Variants in RAPGEF4 observed in about 807,000 individuals in gnomAD.
RAPGEF4 encodes RAP guanine-nucleotide-exchange factor (GEF) 4.
In RAPGEF4, 66 loss-of-function variants were observed where a neutral mutation model predicts 147.9. The observed-to-expected ratio is 0.45, with a 90% CI of 0.37 to 0.55. The LOEUF (loss-of-function observed/expected upper bound fraction) is 0.55. RAPGEF4 is among the 20% of genes least tolerant of loss of function. RAPGEF4 has a pLI of 0.00. For missense variants in RAPGEF4, 1,071 were observed against 1,257.3 expected, an observed-to-expected ratio of 0.85 and a Z score of 2.24; for synonymous variants, 419 against 442.7, an observed-to-expected ratio of 0.95 and a Z score of 0.67.
intron 1 of RAPGEF4, among the ~76,000 whole-genome samples, chr2:172,766,838 C>G (rs1420032967): frequency 4.6e-5 from 7 of 152,154 alleles, no homozygotes; most frequent in African/African-American, 1.7e-4. Context: ...ATCAACAACT[C>G]ATAACTTTTC....
At chr2:172,943,191 G>A (rs1196111673) in intron 6 of RAPGEF4, among the ~76,000 whole-genome samples, 1 of 152,184 alleles carries the variant, frequency 6.6e-6, no homozygotes, top group Non-Finnish European at 1.5e-5. Flanking sequence ...GGAGAGGCAG[G>A]CAGAGGTGAT....
intron 4 of RAPGEF4, among the ~76,000 whole-genome samples, chr2:172,816,515 T>C (rs1288744987): frequency 6.6e-6 from 1 of 152,236 alleles, no homozygotes; most frequent in Non-Finnish European, 1.5e-5. Flanking sequence ...AGGATATTGC[T>C]CTGTTGATGC....
At chr2:173,016,751 G>A (rs971419221) in intron 19 of RAPGEF4, among the ~76,000 whole-genome samples, 6 of 152,174 alleles carry the variant, frequency 3.9e-5, no homozygotes, top group Admixed American at 3.3e-4. Context: ...ATGGCCAGCG[G>A]CATTTAAAGA....
intron 4 of RAPGEF4, among the ~76,000 whole-genome samples, chr2:172,913,282 T>G (rs1683658472): frequency 6.6e-6 from 1 of 152,202 alleles, no homozygotes; most frequent in Admixed American, 6.5e-5. Flanking sequence ...TAGGTTTTGT[T>G]GTACCACCAC....
intron 6 of RAPGEF4, among the ~76,000 whole-genome samples, chr2:172,931,408 A>AG (rs1243827334): frequency 6.6e-6 from 1 of 152,132 alleles, no homozygotes; most frequent in African/African-American, 2.4e-5. Context: ...GGAAAGCCTT[A>AG]GAGAGGTGCT....
intron 24 of RAPGEF4, 83 bp downstream of exon 24, chr2:173,026,780 A>T: frequency 6.6e-7 from 1 of 1,520,390 alleles, no homozygotes; most frequent in Non-Finnish European, 8.9e-7. Flanking sequence ...AAGTGCTAAT[A>T]TGTGCTACAA....
chr2:172,992,287 G>A (rs1400030059), intron 15 of RAPGEF4, among the ~76,000 whole-genome samples: 1 of 152,156 alleles, frequency 6.6e-6, no homozygotes, highest in Non-Finnish European at 1.5e-5. Flanking sequence ...TCTTGAAATT[G>A]TTCTTGCCCA....
chr2:172,914,626 GAGAAAGAAAGAAATAT>G (rs1381830276), intron 4 of RAPGEF4, among the ~76,000 whole-genome samples: 4 of 148,884 alleles, frequency 2.7e-5, no homozygotes, highest in African/African-American at 7.3e-5. Context: ...GAGAGAGAAA[GAGAAAGAAAGAAATAT>G]AGAAAGAAAG....
At chr2:172,891,271 A>G (rs1489017743) in intron 4 of RAPGEF4, among the ~76,000 whole-genome samples, 2 of 152,160 alleles carry the variant, frequency 1.3e-5, no homozygotes, top group Admixed American at 6.5e-5. Flanking sequence ...TCTTCCCTTC[A>G]TGAGTTTCAT....
At chr2:172,958,100 G>A (rs1353741081) in intron 6 of RAPGEF4, among the ~76,000 whole-genome samples, 2 of 152,228 alleles carry the variant, frequency 1.3e-5, no homozygotes, top group Non-Finnish European at 2.9e-5. Context: ...GCATCTTCTT[G>A]ACCTTGGTTC....
chr2:172,965,804 G>T, intron 9 of RAPGEF4, 121 bp downstream of exon 9: 1 of 1,254,982 alleles, frequency 8.0e-7, no homozygotes, highest in Non-Finnish European at 1.1e-6. Context: ...GGGACCTGCA[G>T]AGCTAGCATC....
intron 17 of RAPGEF4, among the ~76,000 whole-genome samples, chr2:173,001,868 C>T (rs1215118415): frequency 1.3e-5 from 2 of 151,794 alleles, no homozygotes; most frequent in African/African-American, 4.8e-5. Context: ...CACCTCCCAC[C>T]AGGCCCACCT....
chr2:172,998,759 A>G (rs1028605669), intron 16 of RAPGEF4, among the ~76,000 whole-genome samples: 4 of 152,246 alleles, frequency 2.6e-5, no homozygotes, highest in Admixed American at 2.6e-4. Context: ...TGGGTCAGGA[A>G]AAAATGCAGC....
At chr2:173,016,561 G>T (rs1453961088) in intron 19 of RAPGEF4, 124 bp downstream of exon 19, 2 of 753,236 alleles carry the variant, frequency 2.7e-6, no homozygotes, top group Non-Finnish European at 4.5e-6. Flanking sequence ...GATTTAAGCA[G>T]ACTGGGCTGA....
At chr2:172,861,493 G>A (rs1319023847) in intron 4 of RAPGEF4, among the ~76,000 whole-genome samples, 5 of 152,214 alleles carry the variant, frequency 3.3e-5, no homozygotes, top group Non-Finnish European at 5.9e-5. Flanking sequence ...GGCAGACACA[G>A]GAAGTGAATG....
At chr2:172,921,313 C>T (rs1489330998) in intron 5 of RAPGEF4, among the ~76,000 whole-genome samples, 6 of 152,088 alleles carry the variant, frequency 3.9e-5, no homozygotes, top group African/African-American at 1.4e-4. Flanking sequence ...CTCTCGAGCT[C>T]CTGGGCTCAA....
At chr2:172,783,610 C>T (rs939176886) in intron 1 of RAPGEF4, among the ~76,000 whole-genome samples, 4 of 152,024 alleles carry the variant, frequency 2.6e-5, no homozygotes, top group Admixed American at 6.6e-5. Context: ...CTGAGAGTCA[C>T]CCTGAATACT....
intron 1 of RAPGEF4, 38 bp downstream of exon 1, chr2:172,736,086 GC>G: frequency 6.9e-7 from 1 of 1,440,370 alleles, no homozygotes; most frequent in Non-Finnish European, 9.2e-7. Context: ...GCCGAGCTCT[GC>G]GGTGCTGCCC....
chr2:172,778,216 C>G (rs1290453678), intron 1 of RAPGEF4, among the ~76,000 whole-genome samples: 2 of 152,202 alleles, frequency 1.3e-5, no homozygotes, highest in Admixed American at 6.5e-5. Flanking sequence ...TGATGCCTAC[C>G]TTGATTTGCT....
Sources: allele counts gnomAD v4.1 joint callset (sites outside exome capture counted in the v4.1 genomes callset), GRCh38; gene constraint gnomAD v4.1.1; transcripts MANE v1.5; gene names NCBI Gene and HGNC (gene_info 2026-07-23, HGNC 2026-07-21).